IGF2R: variants seen among roughly 807,000 people sequenced by gnomAD.
IGF2R encodes the protein insulin like growth factor 2 receptor.
A neutral mutation model predicts 270.6 loss-of-function variants in IGF2R; 91 were observed. The ratio of observed to expected loss-of-function variants is 0.34; its 90% CI spans 0.28 to 0.40. The LOEUF (loss-of-function observed/expected upper bound fraction) is 0.40, where lower values mean the gene tolerates loss of function less well. IGF2R is among the 10% of genes least tolerant of loss of function. IGF2R has a pLI of 1.00. For missense variants in IGF2R, 2,805 were observed against 3,188.3 expected (o/e 0.88, Z 2.90); for synonymous variants, 1,316 against 1,258.9 (o/e 1.05, Z -0.96).
intron 1 of IGF2R, among the ~76,000 whole-genome samples, chr6:159,983,451 C>G (rs1292709706): frequency 6.6e-6 from 1 of 152,194 alleles, no homozygotes; most frequent in Non-Finnish European, 1.5e-5. Context: ...AGGATAGTTT[C>G]AGCAGAAGCA....
chr6:160,091,625 C>T (rs946780045), intron 44 of IGF2R, among the ~76,000 whole-genome samples: 3 of 152,218 alleles, frequency 2.0e-5, no homozygotes, highest in Non-Finnish European at 2.9e-5. Flanking sequence ...CTCCACAGCA[C>T]GGAGCTAGCA....
Position 160,060,620 on chromosome 6 carries a change from T to C in IGF2R, c.3165T>C (p.His1055=). 1 of 1,614,242 alleles carries C rather than the reference T, an allele frequency of 6.2e-7. No homozygotes were observed. Among genetic ancestry groups the C allele is most frequent in the Middle Eastern group, 1.6e-4 (1 of 6,062 alleles). The stretch of plus-strand genomic sequence containing the variant: ...ACTCAGGGCCCCTCAAATTCCTGCA[T>C]CAAGATATCGACTCTGGGCAAGGGA... ...DVYSGPLKFL[H]QDIDSGQGIR... The change falls in exon 23 of 48, where the codon CAT becomes CAC. Residue 1055 remains histidine (H), a synonymous_variant. Coordinates refer to ENST00000356956, the MANE Select transcript of IGF2R (RefSeq NM_000876.4).
chr6:160,083,583 G>A (rs8191910), intron 39 of IGF2R, among the ~76,000 whole-genome samples: 2 of 152,038 alleles, frequency 1.3e-5, no homozygotes, highest in African/African-American at 2.4e-5. Context: ...GGACAATACC[G>A]AGCTTTCCAG....
At chr6:160,086,043 G>A (rs188387394) in intron 41 of IGF2R, among the ~76,000 whole-genome samples, 9 of 152,292 alleles carry the variant, frequency 5.9e-5, no homozygotes, top group Admixed American at 2.6e-4. Flanking sequence ...ATGGATATTC[G>A]ACTAGTCTTT....
Position 160,051,491 on chromosome 6 carries a change from T to C in IGF2R, c.2694+839T>C, listed in dbSNP as rs113714370. Among the ~76,000 whole-genome samples the C allele has an allele frequency of 2.8e-4, 42 of 152,252 alleles. 1 individual carries two copies. The highest frequency in any genetic ancestry group is 9.6e-4 in the African/African-American group (40 of 41,542). On this transcript the variant is annotated intron_variant, in intron 19 of 47. Coordinates refer to ENST00000356956, the MANE Select transcript of IGF2R (RefSeq NM_000876.4). ...CAAGGCACGGTTCAAAGGATGACCT[T>C]GATTCTCAGGCAGCTTCTCAGCATG...
intron 32 of IGF2R, 101 bp downstream of exon 32, chr6:160,072,137 A>T: frequency 6.8e-7 from 1 of 1,474,516 alleles, no homozygotes. Context: ...AGCTATGGGC[A>T]GCAGGCGCCC....
rs1376118920 is a variant in IGF2R, at chr6:160,084,196, C to G, written c.6068+12C>G. 1 of 1,514,270 alleles carries G rather than the reference C, an allele frequency of 6.6e-7. No homozygotes were observed. The highest frequency in any genetic ancestry group is 1.1e-5 in the South Asian group (1 of 88,996). 93.8% of individuals were successfully genotyped at this position (1,514,270 alleles called of 1,614,324 possible). On this transcript the variant is annotated intron_variant, in intron 40 of 47. Coordinates refer to ENST00000356956, the MANE Select transcript of IGF2R (RefSeq NM_000876.4). The surrounding 1 kb of genome is among the most constrained non-coding windows in gnomAD (Gnocchi z 4.6). Reference sequence around the variant, plus strand: ...CACAACGGAGTCTCGTGAGTGCCTTCCCAGTCCACCCGCGGCGCCACACCC... The same window carrying G: ...CACAACGGAGTCTCGTGAGTGCCTTGCCAGTCCACCCGCGGCGCCACACCC...
Position 160,062,533 on chromosome 6 carries a change from GCT to G in IGF2R, c.3586_3587del (p.Ser1196ThrfsTer10). ...TCAGGCTGCTGATTTATATTACAGG[GCT>G]CACCAGCATTTCAGCTTCAGGATGG... On this transcript the variant is annotated frameshift_variant and splice_region_variant, in exon 26 of 48. Transcript: ENST00000356956. LOFTEE classifies it high-confidence loss of function. 1 of 1,609,896 alleles carries G rather than the reference GCT, an allele frequency of 6.2e-7. No individual in the cohort carries two copies. The highest frequency in any genetic ancestry group is 8.5e-7 in the Non-Finnish European group (1 of 1,176,330).
intron 12 of IGF2R, 92 bp downstream of exon 12, chr6:160,043,380 GCCT>G: frequency 7.3e-7 from 1 of 1,364,766 alleles, no homozygotes; most frequent in Non-Finnish European, 1.0e-6. Flanking sequence ...GTTCATCTAA[GCCT>G]CCTCTTTCTA....
intron 5 of IGF2R, 25 bp downstream of exon 5, chr6:160,024,729 G>T: frequency 6.2e-7 from 1 of 1,610,866 alleles, no homozygotes; most frequent in Non-Finnish European, 8.5e-7. Flanking sequence ...GGGGCTGAGG[G>T]GGTGGTGGTG....
At position 160,109,468 on chromosome 6, in the gene IGF2R, T is replaced by C. The variant is rs1779697601; in HGVS notation, c.*4384T>C. On this transcript the variant is annotated 3_prime_UTR_variant, in exon 48 of 48. Coordinates refer to ENST00000356956, the MANE Select transcript of IGF2R (RefSeq NM_000876.4). ...ACTTACAGAACAAAGAACTATTTTTTCCCTGAATCATTTGAGACTAAGTTC... is the reference window on the plus strand; with the variant it reads ...ACTTACAGAACAAAGAACTATTTTTCCCCTGAATCATTTGAGACTAAGTTC... 6.6e-6 allele frequency: 1 copy of C among 152,220 alleles called. No homozygotes were observed. Among genetic ancestry groups the C allele is most frequent in the Non-Finnish European group, 1.5e-5 (1 of 68,038 alleles). 9.4% of individuals were successfully genotyped at this position (152,220 alleles called of 1,614,324 possible).
chr6:159,990,272 TCCC>T (rs1418631049), intron 1 of IGF2R, among the ~76,000 whole-genome samples: 4 of 152,300 alleles, frequency 2.6e-5, no homozygotes, highest in Admixed American at 2.6e-4. Context: ...AGCTTGTAGT[TCCC>T]ATAATCCCCA....
chr6:160,073,751 T>C lies in IGF2R; in HGVS notation c.4948-6T>C. ...TAGACTCAAAGCAGTCTTTCCTACT[T>C]AACAGACCGAATGTTCCGTGAGGAA... On this transcript the variant is annotated splice_polypyrimidine_tract_variant and splice_region_variant and intron_variant, in intron 34 of 47. Transcript: ENST00000356956. 9 of 1,612,786 alleles carry C rather than the reference T, an allele frequency of 5.6e-6. No homozygotes were observed. Among genetic ancestry groups the C allele is most frequent in the Non-Finnish European group, 7.6e-6 (9 of 1,178,758 alleles).
intron 2 of IGF2R, chr6:160,005,590 C>T (rs73021677): frequency 0.016 from 2,456 of 152,348 alleles, 29 homozygotes; most frequent in Non-Finnish European, 0.027. Flanking sequence ...CAGGACGTGA[C>T]CCGCACATTA....
chr6:160,069,248 C>A (rs1231926833), intron 30 of IGF2R, among the ~76,000 whole-genome samples: 1 of 152,144 alleles, frequency 6.6e-6, no homozygotes, highest in African/African-American at 2.4e-5. Context: ...TGAAACTCAT[C>A]CCATGTTCGT....
intron 4 of IGF2R, among the ~76,000 whole-genome samples, chr6:160,013,555 T>G (rs752325893): frequency 3.9e-5 from 6 of 152,218 alleles, no homozygotes; most frequent in Non-Finnish European, 5.9e-5. Context: ...TGAGAAACAT[T>G]TGTACTTTGT....
chr6:160,009,053 C>T lies in IGF2R; in HGVS notation c.333C>T (p.Phe111=), dbSNP rs754762369. Residue 111 remains phenylalanine, a synonymous_variant, in exon 3 of 48, where the codon TTC becomes TTT. Coordinates refer to ENST00000356956, the MANE Select transcript of IGF2R (RefSeq NM_000876.4). ...GTGCAACCAGATCTCTCCTGGAATTCAACACAACAGTGAGCTGTGACCAGC... is the reference window on the plus strand; with the variant it reads ...GTGCAACCAGATCTCTCCTGGAATTTAACACAACAGTGAGCTGTGACCAGC... ...LRSATRSLLE[F]NTTVSCDQQG... is the part of the protein sequence containing the mutation. 1 of 1,613,782 alleles carries T rather than the reference C, an allele frequency of 6.2e-7. No homozygotes were observed. Among genetic ancestry groups the T allele is most frequent in the Non-Finnish European group, 8.5e-7 (1 of 1,179,788 alleles).
intron 1 of IGF2R, among the ~76,000 whole-genome samples, chr6:159,970,578 T>G (rs2115162509): frequency 6.6e-6 from 1 of 152,250 alleles, no homozygotes; most frequent in East Asian, 1.9e-4. Flanking sequence ...GGCCCATATT[T>G]TTTATGCTCC....
intron 45 of IGF2R, among the ~76,000 whole-genome samples, chr6:160,101,473 CT>C (rs1430194197): frequency 2.0e-5 from 3 of 152,200 alleles, no homozygotes; most frequent in Non-Finnish European, 4.4e-5. Context: ...GGTTTCTTGT[CT>C]TGCTGATGTT....
Sources: gnomAD v4.1 joint callset for allele counts (sites outside exome capture counted in the v4.1 genomes callset) on GRCh38, gnomAD v4.1.1 for gene constraint, Gnocchi (gnomAD v3.1) non-coding constraint, MANE v1.5 for transcripts, NCBI Gene and HGNC (gene_info 2026-07-23, HGNC 2026-07-21) for gene names.